TP63: variants seen among roughly 807,000 people sequenced by gnomAD.
TP63 encodes tumor protein 63.
Under a neutral mutation model 82.8 loss-of-function variants are expected in TP63, and 17 were observed. The ratio of observed to expected loss-of-function variants is 0.21; its 90% CI spans 0.14 to 0.31. TP63 has a LOEUF of 0.31. Ranked by LOEUF, TP63 falls within the 10% of genes least tolerant of loss-of-function variation. The pLI is 1.00. For synonymous variants in TP63, 330 were observed against 321.7 expected, an observed-to-expected ratio of 1.03 and a Z score of -0.28; for missense variants, 648 against 895.3, an observed-to-expected ratio of 0.72 and a Z score of 3.52.
chr3:189,764,664 T>C (rs73055285), intron 3 of TP63, among the ~76,000 whole-genome samples: 5,395 of 152,170 alleles, frequency 0.035, 324 homozygotes, highest in African/African-American at 0.12. Context: ...TACAATTCAC[T>C]TGTAGATTAA....
chr3:189,694,899 G>T lies in TP63; in HGVS notation c.63-42841G>T, dbSNP rs1199943021. On this transcript the variant is annotated intron_variant, in intron 1 of 13. Transcript: ENST00000264731. ...TGGCTCACTGCAACCTCCAACTCCT[G>T]GTTTCAAGTGATTCTCCTGCCTCAG... Among the ~76,000 whole-genome samples the T allele has an allele frequency of 2.2e-5, 3 of 134,928 alleles. No homozygotes were observed. In the East Asian group the frequency reaches 7.0e-4, roughly 32 times the overall value. 88.5% of individuals were successfully genotyped at this position (134,928 alleles called of 152,430 possible).
chr3:189,762,272 A>G (rs1434787820), intron 3 of TP63, among the ~76,000 whole-genome samples: 1 of 152,178 alleles, frequency 6.6e-6, no homozygotes, highest in Non-Finnish European at 1.5e-5. Flanking sequence ...TTTTGGTATA[A>G]AATATTTTGT....
chr3:189,780,514 A>G (rs62279937), intron 3 of TP63, among the ~76,000 whole-genome samples: 31,660 of 148,522 alleles, frequency 0.21, 4,079 homozygotes, highest in Admixed American at 0.31. Context: ...ATAGGCCCCT[A>G]TTTCCTAATT....
chr3:189,639,561 A>G (rs1055903797), intron 1 of TP63, among the ~76,000 whole-genome samples: 6 of 152,134 alleles, frequency 3.9e-5, no homozygotes, highest in Non-Finnish European at 5.9e-5. Flanking sequence ...TCAAATTTCC[A>G]GTTCTTTTTT....
intron 3 of TP63, among the ~76,000 whole-genome samples, chr3:189,791,249 A>T (rs1725108582): frequency 6.6e-6 from 1 of 152,136 alleles, no homozygotes; most frequent in African/African-American, 2.4e-5. Context: ...CACAGTATTT[A>T]TAAGCCGCCT....
At chr3:189,667,168 A>ATTTTT (rs11439554) in intron 1 of TP63, among the ~76,000 whole-genome samples, 5 of 122,122 alleles carry the variant, frequency 4.1e-5, no homozygotes, top group South Asian at 2.7e-4. Flanking sequence ...AGAAGTTAGA[A>ATTTTT]TTTTTTTTTT....
chr3:189,645,973 C>G lies in TP63; in HGVS notation c.62+14396C>G, dbSNP rs1046275377. On this transcript the variant is annotated intron_variant, in intron 1 of 13. Transcript: ENST00000264731. ...ACTATAAACATATGTATACAAGTGT[C>G]TTTTTCATATAATGACTTCTTTTCC... is the stretch of plus-strand genomic sequence containing the variant. Among the ~76,000 whole-genome samples the G allele has an allele frequency of 2.7e-5, 4 of 147,014 alleles. 1 individual carries two copies. Among genetic ancestry groups the G allele is most frequent in the African/African-American group, 1.0e-4 (4 of 39,270 alleles).
chr3:189,774,418 T>G (rs1002115084), intron 3 of TP63, among the ~76,000 whole-genome samples: 1 of 152,222 alleles, frequency 6.6e-6, no homozygotes, highest in Non-Finnish European at 1.5e-5. Context: ...CCATCTTTCC[T>G]TATGACCAAA....
intron 3 of TP63, among the ~76,000 whole-genome samples, chr3:189,768,032 G>T (rs1723074761): frequency 6.6e-6 from 1 of 152,094 alleles, no homozygotes; most frequent in South Asian, 2.1e-4. Flanking sequence ...AACAAATGAA[G>T]TAGCATTTTA....
At position 189,726,603 on chromosome 3, in the gene TP63, T is replaced by C. The variant is rs77919122; in HGVS notation, c.63-11137T>C. 5.4e-3 allele frequency among the ~76,000 whole-genome samples: 819 copies of C among 152,226 alleles called. 8 individuals carry two copies. The highest frequency in any genetic ancestry group is 0.018 in the African/African-American group (740 of 41,540). On this transcript the variant is annotated intron_variant, in intron 1 of 13. Coordinates refer to ENST00000264731, the MANE Select transcript of TP63 (RefSeq NM_003722.5). The stretch of plus-strand genomic sequence containing the variant: ...TAAAGTGCTAAAATATTAATGAGGA[T>C]GGTAAGAAAAATACATGAACAGTTA...
chr3:189,604,110 C>T, the TP63 span, among the ~76,000 whole-genome samples: 2 of 152,086 alleles, frequency 1.3e-5, no homozygotes, highest in South Asian at 2.1e-4. Flanking sequence ...AGAACATGGT[C>T]GTTGAAGTCA....
intron 1 of TP63, among the ~76,000 whole-genome samples, chr3:189,734,296 C>T (rs976646467): frequency 3.3e-5 from 5 of 151,504 alleles, no homozygotes; most frequent in East Asian, 1.9e-4. Context: ...CTCAGCCTCT[C>T]GAATAGCTGG....
chr3:189,754,972 G>T, intron 3 of TP63, among the ~76,000 whole-genome samples: 1 of 151,860 alleles, frequency 6.6e-6, no homozygotes, highest in East Asian at 1.9e-4. Context: ...TTTTTTTTAG[G>T]GCTTTATGAT....
At chr3:189,700,087 C>T (rs954780945) in intron 1 of TP63, among the ~76,000 whole-genome samples, 2 of 152,106 alleles carry the variant, frequency 1.3e-5, no homozygotes, top group African/African-American at 4.8e-5. Flanking sequence ...TCTTCATGGA[C>T]ATTTGAAGTG....
chr3:189,817,098 C>G (rs1728272855), intron 4 of TP63, among the ~76,000 whole-genome samples: 1 of 151,740 alleles, frequency 6.6e-6, no homozygotes, highest in South Asian at 2.1e-4. Context: ...GTGTTAGTAC[C>G]AACCTTTCAA....
chr3:189,827,989 C>G (rs1365944614), intron 4 of TP63, among the ~76,000 whole-genome samples: 1 of 152,038 alleles, frequency 6.6e-6, no homozygotes, highest in East Asian at 1.9e-4. Flanking sequence ...GCCTGTAATC[C>G]CAGCACTTTG....
chr3:189,703,198 C>T (rs895436453), intron 1 of TP63, among the ~76,000 whole-genome samples: 1 of 152,170 alleles, frequency 6.6e-6, no homozygotes, highest in Non-Finnish European at 1.5e-5. Flanking sequence ...CTTTGGGAGG[C>T]CAAGGCCAGC....
chr3:189,846,638 G>C (rs116854647), intron 4 of TP63, among the ~76,000 whole-genome samples: 17,817 of 137,220 alleles, frequency 0.13, 1,237 homozygotes, highest in Middle Eastern at 0.18. Flanking sequence ...GTGTGTGTGT[G>C]TGTGTGTCAT....
At chr3:189,872,082 T>G (rs1420088120) in intron 9 of TP63, among the ~76,000 whole-genome samples, 1 of 152,206 alleles carries the variant, frequency 6.6e-6, no homozygotes, top group Non-Finnish European at 1.5e-5. Flanking sequence ...GAGAGAAACA[T>G]ATTTTATCCC....
Sources: allele counts gnomAD v4.1 joint callset (sites outside exome capture counted in the v4.1 genomes callset), GRCh38; gene constraint gnomAD v4.1.1; transcripts MANE v1.5; gene names NCBI Gene and HGNC (gene_info 2026-07-23, HGNC 2026-07-21).